HTR1F: variants seen among roughly 807,000 people sequenced by gnomAD.
The protein encoded by HTR1F is 5-hydroxytryptamine (serotonin) receptor 1F, G protein-coupled.
Under a neutral mutation model 24.0 loss-of-function variants are expected in HTR1F, and 17 were observed. That is an observed-to-expected ratio of 0.71 (90% CI 0.48 to 1.06). The LOEUF is 1.06. Among genes scored for constraint, HTR1F ranks in the 50% least tolerant of loss-of-function variants. The pLI, the probability that HTR1F is intolerant of heterozygous loss-of-function variation, is 0.00. For missense variants in HTR1F, 391 were observed against 427.8 expected (o/e 0.91, Z 0.76); for synonymous variants, 186 against 156.8 (o/e 1.19, Z -1.39).
intron 2 of HTR1F, among the ~76,000 whole-genome samples, chr3:87,865,201 G>GT (rs902324690): frequency 5.3e-5 from 8 of 151,172 alleles, no homozygotes; most frequent in South Asian, 2.1e-4. Context: ...GAACAATGTG[G>GT]TTTTTTTTGC....
chr3:87,930,413 T>G (rs1196738137), intron 2 of HTR1F, among the ~76,000 whole-genome samples: 1 of 152,204 alleles, frequency 6.6e-6, no homozygotes. Context: ...AGATGTTGGC[T>G]GTGGGTTTGT....
At chr3:87,823,268 C>T (rs538219955) in intron 2 of HTR1F, among the ~76,000 whole-genome samples, 4 of 152,244 alleles carry the variant, frequency 2.6e-5, no homozygotes, top group African/African-American at 9.6e-5. Context: ...TTTTGAAAAT[C>T]TCAATGGTAC....
chr3:87,912,683 C>G (rs1329584097), intron 2 of HTR1F, among the ~76,000 whole-genome samples: 1 of 141,222 alleles, frequency 7.1e-6, no homozygotes, highest in Non-Finnish European at 1.5e-5. Context: ...CACTAAACTT[C>G]AAGCTACACT....
At chr3:87,937,009 G>C (rs962189648) in intron 2 of HTR1F, among the ~76,000 whole-genome samples, 1 of 145,202 alleles carries the variant, frequency 6.9e-6, no homozygotes, top group African/African-American at 2.6e-5. Flanking sequence ...AAAAATCCCA[G>C]AACCGGATAG....
chr3:87,932,659 G>C (rs1184627780), intron 2 of HTR1F, among the ~76,000 whole-genome samples: 1 of 152,066 alleles, frequency 6.6e-6, no homozygotes, highest in Non-Finnish European at 1.5e-5. Context: ...CCAGGAAGAA[G>C]TTGAATCTCT....
intron 2 of HTR1F, among the ~76,000 whole-genome samples, chr3:87,842,534 T>C (rs1322442638): frequency 1.3e-5 from 2 of 151,834 alleles, no homozygotes; most frequent in Non-Finnish European, 2.9e-5. Context: ...CTATATTAGA[T>C]TTTCAAATAT....
intron 2 of HTR1F, among the ~76,000 whole-genome samples, chr3:87,933,396 A>T (rs1444026995): frequency 6.6e-6 from 1 of 152,152 alleles, no homozygotes; most frequent in Non-Finnish European, 1.5e-5. Flanking sequence ...TTCAATTAGG[A>T]AAAGAGGAAG....
chr3:87,950,791 T>TTCATTGGTGGAAATGTCATTACTGG (rs1704816840), intron 2 of HTR1F, among the ~76,000 whole-genome samples: 1 of 152,182 alleles, frequency 6.6e-6, no homozygotes, highest in South Asian at 2.1e-4. Context: ...TTGTTGTCAA[T>TTCATTGGTGGAAATGTCATTACTGG]TCATTGGTGG....
Position 87,900,798 on chromosome 3 carries a change from C to T in HTR1F, c.-43+78674C>T, listed in dbSNP as rs1706303841. Among the ~76,000 whole-genome samples the T allele has an allele frequency of 2.0e-5, 3 of 152,126 alleles. No homozygotes were observed. In the South Asian group the frequency reaches 6.2e-4, roughly 32 times the overall value. ...CTGGAAGAGTTGCTACTAACCAAGA[C>T]AGCAAGAGAAGCAGGTTTGGAAGAA... is the stretch of plus-strand genomic sequence containing the variant. On this transcript the variant is annotated intron_variant, in intron 2 of 2. Coordinates refer to ENST00000319595, the MANE Select transcript of HTR1F (RefSeq NM_001322209.2).
At chr3:87,934,780 G>C (rs1704371271) in intron 2 of HTR1F, among the ~76,000 whole-genome samples, 1 of 152,144 alleles carries the variant, frequency 6.6e-6, no homozygotes, top group Non-Finnish European at 1.5e-5. Context: ...CAAGAGGGAA[G>C]CTAAGCAATT....
chr3:87,858,127 A>G (rs1575953891), intron 2 of HTR1F, among the ~76,000 whole-genome samples: 1 of 152,206 alleles, frequency 6.6e-6, no homozygotes, highest in Non-Finnish European at 1.5e-5. Context: ...AATTATTTTC[A>G]GTAAATCTTA....
chr3:87,793,888 G>A (rs1047009421), intron 1 of HTR1F, among the ~76,000 whole-genome samples: 24 of 151,676 alleles, frequency 1.6e-4, no homozygotes, highest in African/African-American at 5.6e-4. Context: ...ACATAAGCAG[G>A]TGGCATTAAC....
intron 2 of HTR1F, among the ~76,000 whole-genome samples, chr3:87,839,155 GC>G (rs1704747458): frequency 6.6e-6 from 1 of 151,716 alleles, no homozygotes; most frequent in Admixed American, 6.6e-5. Flanking sequence ...ATGTCATGGA[GC>G]TTTTCTGTAT....
In HTR1F at chr3:87,855,646, T is replaced by G. The variant is rs111718797; in HGVS notation, c.-43+33522T>G. Among the ~76,000 whole-genome samples, 1,036 of 152,228 alleles carry G rather than the reference T, an allele frequency of 6.8e-3. 19 individuals carry two copies. The highest frequency in any genetic ancestry group is 0.024 in the African/African-American group (990 of 41,566). On this transcript the variant is annotated intron_variant, in intron 2 of 2. Coordinates refer to ENST00000319595, the MANE Select transcript of HTR1F (RefSeq NM_001322209.2). ...TGTTCTGTCTTATCTGCAGTTTTCG[T>G]TGTGCCTGGTGTGAATTACCCATAA...
chr3:87,924,791 T>C (rs1206267478), intron 2 of HTR1F, among the ~76,000 whole-genome samples: 1 of 152,168 alleles, frequency 6.6e-6, no homozygotes, highest in Non-Finnish European at 1.5e-5. Context: ...TTGCTATTTC[T>C]AGAATTCTCT....
intron 2 of HTR1F, chr3:87,910,449 C>T (rs1703753834): frequency 6.6e-6 from 1 of 151,968 alleles, no homozygotes; most frequent in Admixed American, 6.6e-5. Flanking sequence ...GCACCCAACA[C>T]AGAAGCACCC....
intron 2 of HTR1F, among the ~76,000 whole-genome samples, chr3:87,931,046 T>C: frequency 8.8e-6 from 1 of 113,132 alleles, no homozygotes; most frequent in Non-Finnish European, 1.8e-5. Context: ...TTTTTTTTTT[T>C]ACTTTTTTTA....
At chr3:87,807,833 A>T (rs1575891780) in intron 1 of HTR1F, among the ~76,000 whole-genome samples, 1 of 152,006 alleles carries the variant, frequency 6.6e-6, no homozygotes, top group East Asian at 1.9e-4. Flanking sequence ...CCATGAAAGG[A>T]TGATGAATTT....
chr3:87,864,902 A>AAAAAAAGAAAAG (rs1457272433), intron 2 of HTR1F, among the ~76,000 whole-genome samples: 3 of 144,438 alleles, frequency 2.1e-5, no homozygotes, highest in African/African-American at 8.1e-5. Flanking sequence ...AAAAAAAAAA[A>AAAAAAAGAAAAG]AAAAGAAAAG....
Sources: allele counts gnomAD v4.1 joint callset (sites outside exome capture counted in the v4.1 genomes callset), GRCh38; gene constraint gnomAD v4.1.1; transcripts MANE v1.5; gene names NCBI Gene and HGNC (gene_info 2026-07-23, HGNC 2026-07-21).